Variants in RELL1 observed in about 807,000 individuals in gnomAD.
RELL1 encodes the protein RELT-like protein 1.
Under a neutral mutation model 23.0 loss-of-function variants are expected in RELL1, and 10 were observed. The ratio of observed to expected loss-of-function variants is 0.43; its 90% CI spans 0.27 to 0.74. The LOEUF is 0.74. Among genes scored for constraint, RELL1 ranks in the 30% least tolerant of loss-of-function variants. The probability of loss-of-function intolerance (pLI) is 0.19; values close to 1 mark genes in which losing one functional copy is unlikely to be tolerated. For synonymous variants in RELL1, 146 were observed against 146.8 expected (o/e 0.99, Z 0.04); for missense variants, 315 against 364.4 (o/e 0.86, Z 1.10).
intron 1 of RELL1, among the ~76,000 whole-genome samples, chr4:37,668,628 C>A (rs1213085445): frequency 2.4e-4 from 36 of 152,082 alleles, no homozygotes; most frequent in Non-Finnish European, 1.5e-5. Context: ...AGCCTCTGCC[C>A]GGCCGCCACC....
chr4:37,646,433 G>A (rs59689303), intron 3 of RELL1, among the ~76,000 whole-genome samples: 6 of 151,938 alleles, frequency 3.9e-5, no homozygotes, highest in South Asian at 2.1e-4. Flanking sequence ...GCCAGTGGAC[G>A]GGGGAGGAGG....
chr4:37,599,385 T>C (rs1326448509), intron 6 of RELL1, among the ~76,000 whole-genome samples: 2 of 152,108 alleles, frequency 1.3e-5, no homozygotes, highest in South Asian at 2.1e-4. Context: ...GTGGTGATAG[T>C]TGATTGGTCG....
At chr4:37,646,045 A>G (rs1326760909) in intron 3 of RELL1, among the ~76,000 whole-genome samples, 1 of 152,220 alleles carries the variant, frequency 6.6e-6, no homozygotes, top group African/African-American at 2.4e-5. Context: ...GCTCAGCTCT[A>G]TCAGGCTGAG....
intron 1 of RELL1, chr4:37,665,528 A>G (rs1408400237): frequency 1.5e-5 from 5 of 339,336 alleles, no homozygotes; most frequent in African/African-American, 6.4e-5. Flanking sequence ...ACACAACCTC[A>G]CCAAAGGCTA....
intron 6 of RELL1, among the ~76,000 whole-genome samples, chr4:37,598,582 T>C (rs1560321000): frequency 6.6e-6 from 1 of 152,092 alleles, no homozygotes; most frequent in Non-Finnish European, 1.5e-5. Context: ...ATTGTCCCCA[T>C]TTCACACATG....
chr4:37,600,535 T>A (rs974157574), intron 6 of RELL1, among the ~76,000 whole-genome samples: 3 of 152,206 alleles, frequency 2.0e-5, no homozygotes, highest in Non-Finnish European at 4.4e-5. Context: ...ATTATCTTCA[T>A]CATTTAACAA....
intron 1 of RELL1, among the ~76,000 whole-genome samples, chr4:37,658,122 T>C (rs1236269165): frequency 6.6e-6 from 1 of 152,040 alleles, no homozygotes; most frequent in Non-Finnish European, 1.5e-5. Flanking sequence ...AGAGGGGACT[T>C]CAGCAGACAG....
intron 1 of RELL1, 115 bp downstream of exon 1, chr4:37,686,085 G>T: frequency 1.1e-6 from 1 of 902,240 alleles, no homozygotes; most frequent in Non-Finnish European, 1.7e-6. Flanking sequence ...CCGGGATCCC[G>T]CGGCTGTGCC....
At chr4:37,657,409 A>T (rs1484765441) in intron 1 of RELL1, among the ~76,000 whole-genome samples, 3 of 152,090 alleles carry the variant, frequency 2.0e-5, no homozygotes, top group Non-Finnish European at 4.4e-5. Flanking sequence ...AAGGGAAGAA[A>T]TTTTTGTTTG....
In RELL1 at chr4:37,616,294, C is replaced by T. The variant is rs568328779; in HGVS notation, c.*4-2952G>A. Among the ~76,000 whole-genome samples, 9 of 152,254 alleles carry T rather than the reference C, an allele frequency of 5.9e-5. No individual in the cohort carries two copies. The South Asian group carries it at 6.2e-4, about 11-fold the overall frequency. ...TTACCAAAGGCCACACAATTAGTAA[C>T]GGGAAAGTAGGAAATCCATCCCAGG... On this transcript the variant is annotated intron_variant, in intron 6 of 6. Transcript: ENST00000454158.
chr4:37,674,688 T>C (rs1166443767), intron 1 of RELL1, among the ~76,000 whole-genome samples: 2 of 152,234 alleles, frequency 1.3e-5, no homozygotes, highest in Non-Finnish European at 2.9e-5. Context: ...CTTCCAGCTA[T>C]GAAGAACTGT....
chr4:37,683,622 G>A (rs1467766174), intron 1 of RELL1, among the ~76,000 whole-genome samples: 1 of 152,136 alleles, frequency 6.6e-6, no homozygotes, highest in Non-Finnish European at 1.5e-5. Context: ...GCCAGGCATG[G>A]TGGCGGGCGC....
At chr4:37,618,867 T>TTTTTCTTTTC (rs148419339) in intron 6 of RELL1, among the ~76,000 whole-genome samples, 1,683 of 150,766 alleles carry the variant, frequency 0.011, 16 homozygotes, top group East Asian at 0.029. Context: ...TGGTTGGTCG[T>TTTTTCTTTTC]TTTTCTTTTC....
intron 1 of RELL1, among the ~76,000 whole-genome samples, chr4:37,679,521 G>A (rs1245443327): frequency 6.6e-6 from 1 of 152,218 alleles, no homozygotes; most frequent in Admixed American, 6.5e-5. Flanking sequence ...GAAGTCAGAT[G>A]TGCTTCAAAG....
At chr4:37,684,941 A>G (rs1378200812) in intron 1 of RELL1, among the ~76,000 whole-genome samples, 3 of 152,112 alleles carry the variant, frequency 2.0e-5, no homozygotes, top group African/African-American at 7.2e-5. Flanking sequence ...TGACAAAATG[A>G]GCCCCTGTAT....
intron 1 of RELL1, among the ~76,000 whole-genome samples, chr4:37,683,942 A>G (rs907637822): frequency 1.1e-4 from 16 of 151,712 alleles, no homozygotes; most frequent in African/African-American, 3.2e-4. Context: ...TTAGCCAGGC[A>G]TGGTGGCGGG....
intron 6 of RELL1, among the ~76,000 whole-genome samples, chr4:37,604,137 C>G (rs1026324714): frequency 1.3e-5 from 2 of 152,034 alleles, no homozygotes; most frequent in Admixed American, 1.3e-4. Flanking sequence ...TCAGGGCCAG[C>G]GTTGTGAGGC....
chr4:37,661,192 T>C (rs531144585), intron 1 of RELL1, among the ~76,000 whole-genome samples: 93 of 152,274 alleles, frequency 6.1e-4, no homozygotes, highest in African/African-American at 2.1e-3. Flanking sequence ...CCTACTTTGG[T>C]AGAGCTAGGA....
intron 3 of RELL1, among the ~76,000 whole-genome samples, chr4:37,640,993 T>C (rs1207907343): frequency 6.6e-6 from 1 of 152,198 alleles, no homozygotes; most frequent in Non-Finnish European, 1.5e-5. Flanking sequence ...AATCACTGCC[T>C]GAGAAAAATC....
Sources: gnomAD v4.1 joint callset for allele counts (sites outside exome capture counted in the v4.1 genomes callset) on GRCh38, gnomAD v4.1.1 for gene constraint, MANE v1.5 for transcripts, NCBI Gene and HGNC (gene_info 2026-07-23, HGNC 2026-07-21) for gene names.